Variants in DCT observed in about 807,000 individuals in gnomAD.
DCT encodes dopachrome tautomerase.
DCT carries 47 observed loss-of-function variants against 53.0 expected under a neutral mutation model. That is an observed-to-expected ratio of 0.89 (90% confidence interval 0.70 to 1.13). DCT has a LOEUF of 1.13. Ranked by LOEUF, DCT falls within the 50% of genes most tolerant of loss-of-function variation. The pLI is 0.00. For missense variants in DCT, 669 were observed against 637.4 expected (o/e 1.05, Z -0.53); for synonymous variants, 244 against 237.0 (o/e 1.03, Z -0.27).
chr13:94,465,115 A>G (rs1180868692), intron 4 of DCT, among the ~76,000 whole-genome samples: 1 of 152,164 alleles, frequency 6.6e-6, no homozygotes, highest in Admixed American at 6.5e-5. Context: ...TTGTGTATAC[A>G]TCTATTACAG....
the DCT span, among the ~76,000 whole-genome samples, chr13:94,542,334 G>A: frequency 6.6e-6 from 1 of 152,112 alleles, no homozygotes; most frequent in Non-Finnish European, 1.5e-5. Flanking sequence ...GACTACAGGT[G>A]CACACCACCA....
the DCT span, among the ~76,000 whole-genome samples, chr13:94,496,516 A>G: frequency 2.0e-5 from 3 of 152,098 alleles, no homozygotes; most frequent in Non-Finnish European, 2.9e-5. Flanking sequence ...TATTAACATT[A>G]TTAACATTTT....
chr13:94,451,907 T>C (rs187743079), intron 6 of DCT, among the ~76,000 whole-genome samples: 24 of 151,028 alleles, frequency 1.6e-4, no homozygotes, highest in African/African-American at 5.6e-4. Flanking sequence ...CTGACTTTTT[T>C]GAATATTTAG....
chr13:94,479,487 CTT>C lies in DCT; in HGVS notation c.-234_-233del. On this transcript the variant is annotated 5_prime_UTR_variant, in exon 1 of 8. Coordinates refer to ENST00000377028, the MANE Select transcript of DCT (RefSeq NM_001922.5). ...TTATGTGATTCAAACAACTAACAGA[CTT>C]AATTTCCTTAGAAGCGCCTCTAACA... 1 of 457,314 alleles carries C rather than the reference CTT, an allele frequency of 2.2e-6. No homozygotes were observed. Among genetic ancestry groups the C allele is most frequent in the Non-Finnish European group, 3.8e-6 (1 of 260,392 alleles). 28.3% of individuals were successfully genotyped at this position (457,314 alleles called of 1,614,324 possible).
the DCT span, among the ~76,000 whole-genome samples, chr13:94,531,782 T>C: frequency 1.3e-5 from 2 of 151,928 alleles, no homozygotes; most frequent in African/African-American, 4.8e-5. Flanking sequence ...AAAGCCAAAA[T>C]AGACAAACAG....
the DCT span, among the ~76,000 whole-genome samples, chr13:94,519,286 A>G: frequency 6.6e-6 from 1 of 152,186 alleles, no homozygotes; most frequent in African/African-American, 2.4e-5. Flanking sequence ...AGCCTTATCC[A>G]TCTCATTCCT....
the DCT span, among the ~76,000 whole-genome samples, chr13:94,485,022 T>C: frequency 6.6e-6 from 1 of 151,972 alleles, no homozygotes; most frequent in Non-Finnish European, 1.5e-5. Flanking sequence ...GTCTTTATTG[T>C]CTTCGTAACC....
chr13:94,461,778 G>C (rs1883804197), intron 5 of DCT, among the ~76,000 whole-genome samples: 1 of 152,138 alleles, frequency 6.6e-6, no homozygotes, highest in South Asian at 2.1e-4. Context: ...AAATACAAAA[G>C]TTGGTTTTGA....
the DCT span, among the ~76,000 whole-genome samples, chr13:94,504,576 C>T: frequency 1.3e-5 from 2 of 152,070 alleles, no homozygotes; most frequent in Non-Finnish European, 1.5e-5. Flanking sequence ...ATCTTGTTGG[C>T]CAGGCTGGTC....
At chr13:94,489,356 A>G in the DCT span, among the ~76,000 whole-genome samples, 1 of 152,204 alleles carries the variant, frequency 6.6e-6, no homozygotes, top group Non-Finnish European at 1.5e-5. Flanking sequence ...AGAGGTTTAT[A>G]TGGAGAGGCA....
At chr13:94,443,707 T>G (rs1332993766) in intron 6 of DCT, 70 bp from the exon 7 acceptor site, 2 of 1,270,350 alleles carry the variant, frequency 1.6e-6, no homozygotes, top group Non-Finnish European at 2.2e-6. Context: ...TGACTGTTGC[T>G]TTCTCTAAAG....
At chr13:94,485,134 GT>G in the DCT span, among the ~76,000 whole-genome samples, 1 of 150,904 alleles carries the variant, frequency 6.6e-6, no homozygotes, top group African/African-American at 2.4e-5. Context: ...CTGGGGGGCG[GT>G]GGGGGGGTGG....
intron 6 of DCT, among the ~76,000 whole-genome samples, chr13:94,444,972 G>C (rs1267363810): frequency 6.6e-6 from 1 of 152,182 alleles, no homozygotes; most frequent in Admixed American, 6.5e-5. Flanking sequence ...TGTGTTTGCT[G>C]ATGACAGTGT....
chr13:94,490,815 A>G, the DCT span, among the ~76,000 whole-genome samples: 2 of 152,254 alleles, frequency 1.3e-5, no homozygotes, highest in Non-Finnish European at 2.9e-5. Flanking sequence ...GAAAAGTAGT[A>G]GAAAACAAGA....
chr13:94,491,076 G>A, the DCT span, among the ~76,000 whole-genome samples: 2 of 152,190 alleles, frequency 1.3e-5, no homozygotes, highest in African/African-American at 4.8e-5. Context: ...ATACAAAGAT[G>A]TCAGTGAACA....
At chr13:94,496,828 T>C in the DCT span, among the ~76,000 whole-genome samples, 3 of 152,252 alleles carry the variant, frequency 2.0e-5, no homozygotes, top group Non-Finnish European at 4.4e-5. Flanking sequence ...TTCTGCAGGC[T>C]CTGGAAATAG....
At chr13:94,528,903 G>C in the DCT span, among the ~76,000 whole-genome samples, 2 of 150,616 alleles carry the variant, frequency 1.3e-5, no homozygotes, top group Non-Finnish European at 3.0e-5. Context: ...CCCATCTCAT[G>C]TGCAAAGATG....
intron 6 of DCT, among the ~76,000 whole-genome samples, chr13:94,455,269 C>G (rs546035769): frequency 6.6e-6 from 1 of 151,968 alleles, no homozygotes; most frequent in African/African-American, 2.4e-5. Flanking sequence ...ATAGTCCTAG[C>G]TACTTGGGAG....
Position 94,440,043 on chromosome 13 carries a change from G to A in DCT, c.1415C>T (p.Thr472Ile), listed in dbSNP as rs1566791737. Reference sequence around the variant, plus strand: ...CAGTGTTCCCATGACTACTAAGAGAGTTGTGGGCCAACCTGGAGTTTCTTC... The same window carrying A: ...CAGTGTTCCCATGACTACTAAGAGAATTGTGGGCCAACCTGGAGTTTCTTC... Reference protein sequence around the residue: ...SVEETPGWPTTLLVVMGTLVA... With the variant: ...SVEETPGWPTILLVVMGTLVA... The change falls in exon 8 of 8, where the codon ACT becomes ATT. Residue 472 changes from threonine to isoleucine, a missense_variant. Coordinates refer to ENST00000377028, the MANE Select transcript of DCT (RefSeq NM_001922.5). 1 of 1,614,054 alleles carries A rather than the reference G, an allele frequency of 6.2e-7. No individual in the cohort carries two copies. The highest frequency in any genetic ancestry group is 1.3e-5 in the African/African-American group (1 of 75,060).
Sources: allele counts gnomAD v4.1 joint callset (sites outside exome capture counted in the v4.1 genomes callset), GRCh38; gene constraint gnomAD v4.1.1; transcripts MANE v1.5; gene names NCBI Gene and HGNC (gene_info 2026-07-23, HGNC 2026-07-21).